The following DARS1 variants were observed in gnomAD, a reference collection of about 807,000 sequenced individuals.
DARS1 encodes aspartate--tRNA ligase, cytoplasmic.
A neutral mutation model predicts 68.8 loss-of-function variants in DARS1; 51 were observed. That is an observed-to-expected ratio of 0.74 (90% CI 0.59 to 0.94). The LOEUF (loss-of-function observed/expected upper bound fraction) is 0.94, where lower values mean the gene tolerates loss of function less well. Ranked by LOEUF, DARS1 falls within the 40% of genes least tolerant of loss-of-function variation. The probability of loss-of-function intolerance (pLI) is 0.00; values close to 1 mark genes in which losing one functional copy is unlikely to be tolerated. For synonymous variants in DARS1, 203 were observed against 190.4 expected, an observed-to-expected ratio of 1.07 and a Z score of -0.55; for missense variants, 607 against 597.3, an observed-to-expected ratio of 1.02 and a Z score of -0.17.
At chr2:135,925,356 G>C (rs1255485244) in intron 7 of DARS1, among the ~76,000 whole-genome samples, 1 of 152,170 alleles carries the variant, frequency 6.6e-6, no homozygotes, top group Non-Finnish European at 1.5e-5. Context: ...AAACCACTAA[G>C]TTAGCTGTGA....
At chr2:135,948,714 A>G (rs1240844207) in intron 4 of DARS1, among the ~76,000 whole-genome samples, 1 of 152,008 alleles carries the variant, frequency 6.6e-6, no homozygotes, top group African/African-American at 2.4e-5. Flanking sequence ...AAAGTACACA[A>G]AAAAAATTTA....
intron 12 of DARS1, among the ~76,000 whole-genome samples, chr2:135,914,205 T>C (rs1018056351): frequency 6.6e-6 from 1 of 152,190 alleles, no homozygotes; most frequent in Non-Finnish European, 1.5e-5. Context: ...TAATCCGACA[T>C]AGGTATCACT....
At chr2:135,957,737 G>A (rs753557839) in intron 4 of DARS1, among the ~76,000 whole-genome samples, 7 of 151,986 alleles carry the variant, frequency 4.6e-5, no homozygotes, top group Non-Finnish European at 7.4e-5. Flanking sequence ...CTACTCTATA[G>A]GTTCTCTTTA....
chr2:135,966,425 A>G (rs1682238041), intron 3 of DARS1, among the ~76,000 whole-genome samples: 1 of 152,244 alleles, frequency 6.6e-6, no homozygotes, highest in Admixed American at 6.5e-5. Context: ...TCAACTGCTA[A>G]ATATTATTAA....
In DARS1 at chr2:135,907,129, C is replaced by T; in HGVS notation, c.*187G>A. 2.3e-6 allele frequency: 1 copy of T among 430,834 alleles called. No individual in the cohort carries two copies. The highest frequency in any genetic ancestry group is 4.1e-6 in the Non-Finnish European group (1 of 241,512). The allele number at this position is 430,834 out of a possible 1,614,324, so 26.7% of individuals were successfully genotyped here. ...TAAACGAACCTATACTGAATTACTC[C>T]AAAAATAACAGTGATATTTTAGGGC... On this transcript the variant is annotated 3_prime_UTR_variant, in exon 16 of 16. Transcript: ENST00000264161.
intron 5 of DARS1, among the ~76,000 whole-genome samples, chr2:135,939,271 T>G (rs1681542362): frequency 6.6e-6 from 1 of 152,174 alleles, no homozygotes. Context: ...AAAACACTCC[T>G]CAGCAAATGT....
intron 15 of DARS1, among the ~76,000 whole-genome samples, chr2:135,907,899 G>A (rs1332830217): frequency 6.6e-6 from 1 of 152,112 alleles, no homozygotes; most frequent in Non-Finnish European, 1.5e-5. Flanking sequence ...TATACTAAGT[G>A]TTTTGACTGT....
intron 9 of DARS1, 93 bp from the exon 10 acceptor site, chr2:135,920,693 C>T: frequency 2.1e-6 from 3 of 1,416,674 alleles, no homozygotes; most frequent in Non-Finnish European, 2.8e-6. Context: ...AGTTGGATTC[C>T]AGTGGTATTA....
chr2:135,958,938 T>G (rs1324113919), intron 4 of DARS1, among the ~76,000 whole-genome samples: 2 of 152,086 alleles, frequency 1.3e-5, no homozygotes, highest in African/African-American at 4.8e-5. Context: ...AGTCCATTTT[T>G]TAAAGGGACT....
Position 135,924,415 on chromosome 2 carries a change from C to A in DARS1, c.648G>T (p.Val216=). ...AAATAATTTTAGGAGTTTGGATTTC[C>A]ACAAAACCTTTGTTAATTAAAGTTT... ...FRETLINKGF[V]EIQTPKIISA... is the part of the protein sequence containing the mutation. Residue 216 remains valine (V), a synonymous_variant, in exon 8 of 16, where the codon GTG becomes GTT. Transcript: ENST00000264161. 6.2e-7 allele frequency: 1 copy of A among 1,601,902 alleles called. No individual in the cohort carries two copies. The highest frequency in any genetic ancestry group is 8.5e-7 in the Non-Finnish European group (1 of 1,176,592).
intron 10 of DARS1, among the ~76,000 whole-genome samples, chr2:135,919,724 A>G (rs1408864424): frequency 6.6e-6 from 1 of 152,230 alleles, no homozygotes; most frequent in African/African-American, 2.4e-5. Flanking sequence ...CACATTCTAC[A>G]TGATTCAATT....
chr2:135,979,180 G>T, intron 3 of DARS1, 94 bp downstream of exon 3: 1 of 720,930 alleles, frequency 1.4e-6, no homozygotes, highest in Non-Finnish European at 2.5e-6. Context: ...TTTTTGTTTT[G>T]TTTTTAAAGA....
chr2:135,919,911 T>C (rs1681081026), intron 10 of DARS1, among the ~76,000 whole-genome samples: 1 of 152,230 alleles, frequency 6.6e-6, no homozygotes, highest in Non-Finnish European at 1.5e-5. Context: ...TGTCGACAGA[T>C]TCAGTTGACT....
At chr2:135,909,887 CAAAA>C (rs950217422) in intron 15 of DARS1, among the ~76,000 whole-genome samples, 4 of 151,798 alleles carry the variant, frequency 2.6e-5, no homozygotes, top group Non-Finnish European at 5.9e-5. Context: ...AAAACATAAA[CAAAA>C]AAACCAAAAA....
intron 4 of DARS1, among the ~76,000 whole-genome samples, chr2:135,946,582 G>A (rs1681727780): frequency 6.6e-6 from 1 of 152,142 alleles, no homozygotes; most frequent in South Asian, 2.1e-4. Context: ...ACTTTGGAGA[G>A]CACTGGGGTA....
chr2:135,939,806 T>TA (rs1681556580), intron 5 of DARS1, among the ~76,000 whole-genome samples: 1 of 151,626 alleles, frequency 6.6e-6, no homozygotes, highest in Admixed American at 6.6e-5. Flanking sequence ...ATAGATGCAA[T>TA]AAAAAATGAT....
chr2:135,912,567 C>T lies in DARS1; in HGVS notation c.1150-1G>A. ...CAAGAATATAAAAATCTGTATCATA[C>T]TATAAAAAGAATAAATGCAATTAAA... On this transcript the variant is annotated splice_acceptor_variant, in intron 12 of 15. Transcript: ENST00000264161. LOFTEE classifies it high-confidence loss of function. 1 of 840,758 alleles carries T rather than the reference C, an allele frequency of 1.2e-6. No homozygotes were observed. The allele number at this position is 840,758 out of a possible 1,614,324, so 52.1% of individuals were successfully genotyped here.
chr2:135,923,019 C>G lies in DARS1; in HGVS notation c.677-101G>C, dbSNP rs2104802104. 2.4e-6 allele frequency: 3 copies of G among 1,244,638 alleles called. No individual in the cohort carries two copies. The South Asian group carries it at 9.0e-5, about 37-fold the overall frequency. 77.1% of individuals were successfully genotyped at this position (1,244,638 alleles called of 1,614,324 possible). ...TTTATACTCAGGTAACTCACTTTAA[C>G]AAAAACTGGAAAATGAAGAATTGTG... On this transcript the variant is annotated intron_variant, in intron 8 of 15. Transcript: ENST00000264161.
At chr2:135,932,933 A>C in intron 6 of DARS1, 91 bp from the exon 7 acceptor site, 1 of 686,290 alleles carries the variant, frequency 1.5e-6, no homozygotes. Flanking sequence ...GTTTACTTTT[A>C]ATTGAGTAGG....
Sources: allele counts gnomAD v4.1 joint callset (sites outside exome capture counted in the v4.1 genomes callset), GRCh38; gene constraint gnomAD v4.1.1; transcripts MANE v1.5; gene names NCBI Gene and HGNC (gene_info 2026-07-23, HGNC 2026-07-21).